Variants in TJP2 observed in about 807,000 individuals in gnomAD.
The protein encoded by TJP2 is Friedreich ataxia region gene X104 (tight junction protein ZO-2).
Under a neutral mutation model 133.1 loss-of-function variants are expected in TJP2, and 91 were observed. That is an observed-to-expected ratio of 0.68 (90% CI 0.58 to 0.81). The LOEUF is 0.81. Among genes scored for constraint, TJP2 ranks in the 40% least tolerant of loss-of-function variants. The pLI is 0.00. For missense variants in TJP2, 1,541 were observed against 1,565.6 expected, an observed-to-expected ratio of 0.98 and a Z score of 0.26; for synonymous variants, 592 against 583.4, an observed-to-expected ratio of 1.01 and a Z score of -0.21.
Position 69,254,697 on chromosome 9 carries a change from A to G in TJP2, c.*323A>G, listed in dbSNP as rs1831580747. 1.7e-6 allele frequency: 1 copy of G among 572,802 alleles called. No homozygotes were observed. Among genetic ancestry groups the G allele is most frequent in the East Asian group, 2.8e-5 (1 of 35,848 alleles). 35.5% of individuals were successfully genotyped at this position (572,802 alleles called of 1,614,324 possible). On this transcript the variant is annotated 3_prime_UTR_variant, in exon 23 of 23. Transcript: ENST00000377245. ...CTTGTAATATGTATATTAAGAAGCA[A>G]TAACTATTTTTCCTCATTAATAGCT...
chr9:69,145,649 T>G, intron 1 of TJP2: 1 of 1,075,462 alleles, frequency 9.3e-7, no homozygotes. Context: ...TTAGTTCAGT[T>G]GCTTCAGGTG....
chr9:69,146,810 C>A (rs978261393), intron 1 of TJP2, among the ~76,000 whole-genome samples: 2 of 152,110 alleles, frequency 1.3e-5, no homozygotes, highest in African/African-American at 4.8e-5. Context: ...CAACATCCCA[C>A]AAGGTACAGG....
At chr9:69,176,650 C>G (rs1292696682) in intron 1 of TJP2, among the ~76,000 whole-genome samples, 2 of 152,172 alleles carry the variant, frequency 1.3e-5, no homozygotes, top group Admixed American at 1.3e-4. Flanking sequence ...TACATCACCC[C>G]CGGGGGAATT....
intron 5 of TJP2, among the ~76,000 whole-genome samples, chr9:69,222,788 G>A (rs560319963): frequency 5.3e-5 from 8 of 151,402 alleles, no homozygotes; most frequent in African/African-American, 1.7e-4. Context: ...ATGGGGTGGA[G>A]CCGGGTGCAG....
chr9:69,213,349 C>G (rs1163415284), intron 2 of TJP2, among the ~76,000 whole-genome samples: 1 of 152,180 alleles, frequency 6.6e-6, no homozygotes, highest in Non-Finnish European at 1.5e-5. Flanking sequence ...GCGTGAGCCA[C>G]CGTGCCCAGA....
Position 69,221,139 on chromosome 9 carries a change from C to T in TJP2, c.595C>T (p.Arg199Trp), listed in dbSNP as rs780657308. The change falls in exon 5 of 23, where the codon CGG becomes TGG. Residue 199 changes from arginine to tryptophan, a missense_variant. Coordinates refer to ENST00000377245, the MANE Select transcript of TJP2 (RefSeq NM_004817.4). ...CCTCAGCCGGGACCGGAGCCGTGGCCGGAGCCTGGAGCGGGGCCTGGACCA... is the reference window on the plus strand; with the variant it reads ...CCTCAGCCGGGACCGGAGCCGTGGCTGGAGCCTGGAGCGGGGCCTGGACCA... ...RDLSRDRSRG[R>W]SLERGLDQDH... 1.8e-5 allele frequency: 29 copies of T among 1,591,800 alleles called. No individual in the cohort carries two copies. The South Asian group carries it at 2.3e-4, about 12-fold the overall frequency.
chr9:69,162,167 TATAC>T (rs1824111853), intron 2 of TJP2, among the ~76,000 whole-genome samples: 1 of 148,168 alleles, frequency 6.7e-6, no homozygotes. Flanking sequence ...ATATTATATA[TATAC>T]ATAAAGTATA....
chr9:69,213,310 A>G (rs1019092152), intron 2 of TJP2, among the ~76,000 whole-genome samples: 3 of 152,044 alleles, frequency 2.0e-5, no homozygotes, highest in African/African-American at 7.2e-5. Flanking sequence ...TGATCCACCC[A>G]CCTTGGCCCG....
At chr9:69,250,546 T>C (rs903771954) in intron 20 of TJP2, among the ~76,000 whole-genome samples, 18 of 152,238 alleles carry the variant, frequency 1.2e-4, no homozygotes, top group African/African-American at 4.1e-4. Flanking sequence ...AGACTGGAAG[T>C]GTGAAGGAAA....
chr9:69,178,400 G>C (rs1378114992), intron 1 of TJP2, among the ~76,000 whole-genome samples: 1 of 152,192 alleles, frequency 6.6e-6, no homozygotes, highest in Non-Finnish European at 1.5e-5. Context: ...CAGTGAGTTT[G>C]CTTTAAGAAA....
intron 1 of TJP2, among the ~76,000 whole-genome samples, chr9:69,200,254 A>G (rs1008640853): frequency 6.6e-6 from 1 of 152,194 alleles, no homozygotes; most frequent in Non-Finnish European, 1.5e-5. Context: ...CCACCTGACC[A>G]GTTAGTCATC....
rs1825905716 is a variant in TJP2, at chr9:69,187,051, GA to G, written c.60+12620del. ...CTAAACTTCTAAGTATCATGTTTGTGATGTACTTTTCCAGGAAACATAAATT... is the reference window on the plus strand; with the variant it reads ...CTAAACTTCTAAGTATCATGTTTGTGTGTACTTTTCCAGGAAACATAAATT... On this transcript the variant is annotated intron_variant, in intron 1 of 22. Transcript: ENST00000377245. Among the ~76,000 whole-genome samples, 5 of 152,220 alleles carry G rather than the reference GA, an allele frequency of 3.3e-5. No homozygotes were observed. In the South Asian group the frequency reaches 1.0e-3, roughly 32 times the overall value.
intron 1 of TJP2, 21 bp downstream of exon 1, chr9:69,174,453 C>T (rs1824905805): frequency 6.5e-7 from 1 of 1,546,850 alleles, no homozygotes; most frequent in Non-Finnish European, 8.7e-7. Context: ...CCTTGTGCCG[C>T]GCGGTTGGGA....
At chr9:69,124,198 CAG>C (rs201897054) in intron 1 of TJP2, among the ~76,000 whole-genome samples, 1,263 of 71,790 alleles carry the variant, frequency 0.018, 454 homozygotes, top group African/African-American at 0.043. Context: ...TTTTTTGAGA[CAG>C]AGTCTTGCTG....
At chr9:69,195,871 A>C (rs1355171929) in intron 1 of TJP2, among the ~76,000 whole-genome samples, 1 of 152,234 alleles carries the variant, frequency 6.6e-6, no homozygotes, top group East Asian at 1.9e-4. Flanking sequence ...GTGTGGAAAT[A>C]GCTATCATGC....
Position 69,236,130 on chromosome 9 carries a change from G to A in TJP2, c.1883G>A (p.Gly628Glu), listed in dbSNP as rs1465372355. Residue 628 changes from glycine (G) to glutamate (E), a missense_variant, in exon 13 of 23, where the codon GGG becomes GAG. Coordinates refer to ENST00000377245, the MANE Select transcript of TJP2 (RefSeq NM_004817.4). Reference sequence around the variant, plus strand: ...CCACAGAGCCTGGCCTTCACCAGAGGGGAGGTCTTCCGAGTGGTAGACACA... The same window carrying A: ...CCACAGAGCCTGGCCTTCACCAGAGAGGAGGTCTTCCGAGTGGTAGACACA... ...ETPQSLAFTR[G>E]EVFRVVDTLY... is the part of the protein sequence containing the mutation. The A allele has an allele frequency of 1.9e-6, 3 of 1,614,172 alleles. No homozygotes were observed. Among genetic ancestry groups the A allele is most frequent in the Non-Finnish European group, 2.5e-6 (3 of 1,180,020 alleles).
chr9:69,242,786 T>C (rs922438577), intron 17 of TJP2, among the ~76,000 whole-genome samples: 6 of 152,220 alleles, frequency 3.9e-5, no homozygotes, highest in African/African-American at 1.4e-4. Context: ...AGGTTTTGAC[T>C]TGAGGCTGTG....
intron 1 of TJP2, among the ~76,000 whole-genome samples, chr9:69,151,283 A>G (rs945076222): frequency 6.6e-5 from 10 of 152,112 alleles, no homozygotes; most frequent in Admixed American, 6.6e-4. Context: ...GGAGTTCAAG[A>G]CCAGCCTGAC....
intron 1 of TJP2, among the ~76,000 whole-genome samples, chr9:69,198,482 A>C (rs938797138): frequency 1.3e-5 from 2 of 152,230 alleles, no homozygotes; most frequent in Non-Finnish European, 2.9e-5. Context: ...ATGCACGCTA[A>C]AAAATTTACC....
Sources: gnomAD v4.1 joint callset for allele counts (sites outside exome capture counted in the v4.1 genomes callset) on GRCh38, gnomAD v4.1.1 for gene constraint, MANE v1.5 for transcripts, NCBI Gene and HGNC (gene_info 2026-07-23, HGNC 2026-07-21) for gene names.